The following LCORL variants were observed in gnomAD, a reference collection of about 807,000 sequenced individuals.
The protein encoded by LCORL is ligand dependent nuclear receptor corepressor like.
In LCORL, 41 loss-of-function variants were observed where a neutral mutation model predicts 141.8. The ratio of observed to expected loss-of-function variants is 0.29; its 90% confidence interval spans 0.23 to 0.38. The LOEUF is 0.38. Ranked by LOEUF, LCORL falls within the 10% of genes least tolerant of loss-of-function variation. LCORL has a pLI of 1.00. For synonymous variants in LCORL, 618 were observed against 694.1 expected (o/e 0.89, Z 1.72); for missense variants, 1,759 against 2,035.0 (o/e 0.86, Z 2.61).
At chr4:17,938,976 TA>T (rs1267670479) in intron 4 of LCORL, among the ~76,000 whole-genome samples, 54 of 152,308 alleles carry the variant, frequency 3.5e-4, no homozygotes, top group African/African-American at 9.9e-4. Context: ...ACAAAGTCTA[TA>T]AAAGCACTTC....
chr4:17,945,622 G>C (rs1738752246), intron 4 of LCORL, among the ~76,000 whole-genome samples: 1 of 151,904 alleles, frequency 6.6e-6, no homozygotes, highest in Admixed American at 6.6e-5. Context: ...CTGAACTTAA[G>C]ATTCTAATAC....
intron 5 of LCORL, among the ~76,000 whole-genome samples, chr4:17,908,594 C>T (rs998381714): frequency 2.0e-5 from 3 of 152,170 alleles, no homozygotes; most frequent in Admixed American, 2.0e-4. Context: ...TGGTCTTCAT[C>T]ATTCAGGTTC....
At chr4:17,914,428 C>G (rs1733064263) in intron 4 of LCORL, among the ~76,000 whole-genome samples, 2 of 152,132 alleles carry the variant, frequency 1.3e-5, no homozygotes, top group Admixed American at 1.3e-4. Context: ...GAATTTACAG[C>G]AAAGTTTAAA....
chr4:17,988,239 T>C (rs2109761221), intron 1 of LCORL, among the ~76,000 whole-genome samples: 1 of 152,298 alleles, frequency 6.6e-6, no homozygotes, highest in South Asian at 2.1e-4. Flanking sequence ...TAAGCCTCTT[T>C]TCTTTTGTAA....
intron 4 of LCORL, among the ~76,000 whole-genome samples, chr4:17,946,075 T>C (rs1252972866): frequency 6.6e-6 from 1 of 151,888 alleles, no homozygotes; most frequent in Non-Finnish European, 1.5e-5. Context: ...AACACAAAAT[T>C]TGTGGCAGGA....
intron 7 of LCORL, among the ~76,000 whole-genome samples, chr4:17,872,087 C>T (rs1726405541): frequency 6.6e-6 from 1 of 151,714 alleles, no homozygotes; most frequent in African/African-American, 2.4e-5. Context: ...AAAAATAAAG[C>T]CAATACTTCC....
At chr4:17,952,461 G>A (rs566861036) in intron 4 of LCORL, among the ~76,000 whole-genome samples, 1 of 149,938 alleles carries the variant, frequency 6.7e-6, no homozygotes, top group South Asian at 2.1e-4. Context: ...TGTCGCCCAG[G>A]CTGGAGTGCA....
chr4:17,851,034 A>G (rs1169957995), intron 7 of LCORL, among the ~76,000 whole-genome samples: 1 of 147,726 alleles, frequency 6.8e-6, no homozygotes, highest in Non-Finnish European at 1.5e-5. Context: ...AAGAACAAAA[A>G]ACCAAACACC....
chr4:17,851,916 A>G (rs116725003), intron 7 of LCORL, among the ~76,000 whole-genome samples: 48 of 152,294 alleles, frequency 3.2e-4, no homozygotes, highest in African/African-American at 1.1e-3. Context: ...TCTTATGAAT[A>G]AGGTTAAGCA....
At chr4:17,883,895 G>A in intron 6 of LCORL, 1 of 1,550,592 alleles carries the variant, frequency 6.4e-7, no homozygotes, top group South Asian at 1.2e-5. Flanking sequence ...TTGTGCTTTG[G>A]AAACACTCAT....
In LCORL at chr4:18,021,851, G is replaced by C; in HGVS notation, c.-100C>G. The stretch of plus-strand genomic sequence containing the variant: ...CGAGCCCCGGAGCGCGCGCCCCCCG[G>C]AGGGGGGTTGATTGACACGTGTCAC... On this transcript the variant is annotated 5_prime_UTR_variant, in exon 1 of 8. Transcript: ENST00000635767. The surrounding 1 kb of genome is among the most constrained non-coding windows in gnomAD (Gnocchi z 5.5). 7.5e-7 allele frequency: 1 copy of C among 1,324,862 alleles called. No homozygotes were observed. Among genetic ancestry groups the C allele is most frequent in the Non-Finnish European group, 9.8e-7 (1 of 1,019,164 alleles). 82.1% of individuals were successfully genotyped at this position (1,324,862 alleles called of 1,614,324 possible).
chr4:17,997,101 G>A (rs1721033043), intron 1 of LCORL, among the ~76,000 whole-genome samples: 1 of 152,074 alleles, frequency 6.6e-6, no homozygotes, highest in African/African-American at 2.4e-5. Flanking sequence ...CAAGTGTCCT[G>A]TCTTCCAAAC....
intron 4 of LCORL, among the ~76,000 whole-genome samples, chr4:17,934,665 T>C (rs1736569257): frequency 2.0e-5 from 3 of 152,160 alleles, no homozygotes; most frequent in Non-Finnish European, 4.4e-5. Flanking sequence ...TAAATAATCA[T>C]GGAAATGCAG....
At chr4:17,901,569 T>C (rs1730885851) in intron 5 of LCORL, among the ~76,000 whole-genome samples, 1 of 152,094 alleles carries the variant, frequency 6.6e-6, no homozygotes, top group South Asian at 2.1e-4. Flanking sequence ...TAAGTTGTGA[T>C]GTCACAAGAA....
chr4:17,851,187 G>GC lies in LCORL; in HGVS notation c.5603-5287_5603-5286insG, dbSNP rs1356182813. ...AGATATACCTAATGCTAAATGACGAGTTAATGGGTGCAGCACACCAGCATG... is the reference window on the plus strand; with the variant it reads ...AGATATACCTAATGCTAAATGACGAGCTTAATGGGTGCAGCACACCAGCATG... On this transcript the variant is annotated intron_variant, in intron 7 of 7. Transcript: ENST00000635767. 6.0e-5 allele frequency among the ~76,000 whole-genome samples: 9 copies of GC among 150,378 alleles called. 2 individuals carry two copies.
chr4:17,981,846 G>A (rs1278110305), intron 1 of LCORL, among the ~76,000 whole-genome samples: 2 of 151,890 alleles, frequency 1.3e-5, no homozygotes, highest in East Asian at 1.9e-4. Context: ...TCATCACCTG[G>A]GTAATAAGCC....
intron 1 of LCORL, among the ~76,000 whole-genome samples, chr4:17,997,027 T>C (rs1032535418): frequency 1.3e-5 from 2 of 152,180 alleles, no homozygotes; most frequent in Non-Finnish European, 2.9e-5. Context: ...ATGACGCTGT[T>C]TAAACATTTG....
chr4:17,923,996 G>A lies in LCORL; in HGVS notation c.431-14651C>T, dbSNP rs902015589. ...GGCAGAACTTCGAGCAGTGCAACTCGTTGTGCACTTTTCTTTGAAGGAGAA... is the reference window on the plus strand; with the variant it reads ...GGCAGAACTTCGAGCAGTGCAACTCATTGTGCACTTTTCTTTGAAGGAGAA... On this transcript the variant is annotated intron_variant, in intron 4 of 7. Coordinates refer to ENST00000635767, the Ensembl canonical transcript of LCORL. 9.2e-5 allele frequency among the ~76,000 whole-genome samples: 14 copies of A among 151,586 alleles called. No homozygotes were observed. The South Asian group carries it at 1.7e-3, about 18-fold the overall frequency.
chr4:17,949,431 A>AT (rs1359361555), intron 4 of LCORL, among the ~76,000 whole-genome samples: 1 of 151,976 alleles, frequency 6.6e-6, no homozygotes, highest in Admixed American at 6.6e-5. Context: ...GTATTCTTGG[A>AT]TTTTTTATTT....
Sources: gnomAD v4.1 joint callset for allele counts (sites outside exome capture counted in the v4.1 genomes callset) on GRCh38, gnomAD v4.1.1 for gene constraint, Gnocchi (gnomAD v3.1) non-coding constraint, MANE v1.5 for transcripts, NCBI Gene and HGNC (gene_info 2026-07-23, HGNC 2026-07-21) for gene names.